IGF2BP2: variants seen among roughly 807,000 people sequenced by gnomAD.
IGF2BP2 encodes insulin like growth factor 2 mRNA binding protein 2, also known as insulin-like growth factor 2 mRNA-binding protein 2.
Under a neutral mutation model 75.8 loss-of-function variants are expected in IGF2BP2, and 17 were observed. The observed-to-expected ratio is 0.22, with a 90% CI of 0.15 to 0.34. IGF2BP2 has a LOEUF of 0.34. Among genes scored for constraint, IGF2BP2 ranks in the 10% least tolerant of loss-of-function variants. IGF2BP2 has a pLI of 1.00. For synonymous variants in IGF2BP2, 288 were observed against 295.6 expected (o/e 0.97, Z 0.26); for missense variants, 516 against 772.4 (o/e 0.67, Z 3.93).
intron 2 of IGF2BP2, among the ~76,000 whole-genome samples, chr3:185,784,558 T>C (rs1000142570): frequency 6.6e-6 from 1 of 152,228 alleles, no homozygotes; most frequent in Non-Finnish European, 1.5e-5. Context: ...TGGGTACTAC[T>C]GCATCAGCAC....
In IGF2BP2 at chr3:185,665,606, A is replaced by AG. The variant is rs1319667518; in HGVS notation, c.1200+6934dup. Among the ~76,000 whole-genome samples the AG allele has an allele frequency of 7.5e-5, 11 of 147,358 alleles. No homozygotes were observed. In the East Asian group the frequency reaches 1.7e-3, roughly 23 times the overall value. On this transcript the variant is annotated intron_variant, in intron 10 of 15. Transcript: ENST00000382199. ...AAAAGGAAGAAGAAGAAAAGGAAGA[A>AG]GAAGGAGGAGGAGGAGGAGGATATC...
intron 2 of IGF2BP2, among the ~76,000 whole-genome samples, chr3:185,784,406 G>C: frequency 6.6e-6 from 1 of 152,136 alleles, no homozygotes; most frequent in East Asian, 1.9e-4. Context: ...TGGATCTCTA[G>C]GAAGTTCCCT....
In IGF2BP2 at chr3:185,825,013, T is replaced by C. The variant is rs1741853731; in HGVS notation, c.-53A>G. ...CCCCCGGCCCGGTACCCGGCGCTCC[T>C]CGCCTCCTCCGCTGCCCTCGTCTCT... On this transcript the variant is annotated 5_prime_UTR_variant, in exon 1 of 16. Transcript: ENST00000382199. The C allele has an allele frequency of 2.9e-6, 4 of 1,384,466 alleles. No individual in the cohort carries two copies. Among genetic ancestry groups the C allele is most frequent in the South Asian group, 3.1e-5 (2 of 64,384 alleles). The allele number at this position is 1,384,466 out of a possible 1,614,324, so 85.8% of individuals were successfully genotyped here.
chr3:185,661,734 T>C (rs1232089792), intron 10 of IGF2BP2, among the ~76,000 whole-genome samples: 2 of 150,666 alleles, frequency 1.3e-5, no homozygotes, highest in African/African-American at 2.5e-5. Context: ...AAGACAGTAA[T>C]GGTCACTGTC....
chr3:185,670,706 A>G (rs886470185), intron 10 of IGF2BP2, among the ~76,000 whole-genome samples: 1 of 152,090 alleles, frequency 6.6e-6, no homozygotes, highest in Non-Finnish European at 1.5e-5. Context: ...AGTAGCTGGG[A>G]TTACAGGCGT....
At chr3:185,752,189 T>C (rs1373071802) in intron 2 of IGF2BP2, among the ~76,000 whole-genome samples, 6 of 152,132 alleles carry the variant, frequency 3.9e-5, no homozygotes, top group East Asian at 1.9e-4. Context: ...CTTTCCTCTC[T>C]CGCACATGTT....
intron 2 of IGF2BP2, among the ~76,000 whole-genome samples, chr3:185,807,839 C>A (rs1019155543): frequency 1.3e-5 from 2 of 152,210 alleles, no homozygotes; most frequent in African/African-American, 4.8e-5. Context: ...TAGTAGCCAA[C>A]CTTCCAGCCC....
At chr3:185,780,704 G>A (rs573413700) in intron 2 of IGF2BP2, among the ~76,000 whole-genome samples, 12 of 152,126 alleles carry the variant, frequency 7.9e-5, no homozygotes, top group Non-Finnish European at 1.2e-4. Flanking sequence ...ACATTCCCAC[G>A]GATGATATGA....
At chr3:185,668,887 G>A (rs1283595575) in intron 10 of IGF2BP2, among the ~76,000 whole-genome samples, 1 of 152,032 alleles carries the variant, frequency 6.6e-6, no homozygotes, top group Non-Finnish European at 1.5e-5. Flanking sequence ...ATTAATCCCA[G>A]ACCTGAAGAG....
intron 2 of IGF2BP2, among the ~76,000 whole-genome samples, chr3:185,791,140 A>G (rs888110062): frequency 2.6e-5 from 4 of 152,232 alleles, no homozygotes; most frequent in African/African-American, 9.6e-5. Context: ...AAGGGTAGGC[A>G]CTGGAACTGT....
At chr3:185,760,471 T>A (rs144101776) in intron 2 of IGF2BP2, among the ~76,000 whole-genome samples, 7 of 152,372 alleles carry the variant, frequency 4.6e-5, no homozygotes, top group African/African-American at 1.7e-4. Context: ...AGCTGTGCAG[T>A]GATCCCCACT....
intron 2 of IGF2BP2, among the ~76,000 whole-genome samples, chr3:185,742,505 A>G (rs1049497888): frequency 1.2e-4 from 18 of 151,922 alleles, no homozygotes; most frequent in African/African-American, 4.1e-4. Flanking sequence ...CGAAAAAAAA[A>G]TATTAGCCAA....
chr3:185,816,846 T>A (rs549943068), intron 2 of IGF2BP2, among the ~76,000 whole-genome samples: 2 of 152,178 alleles, frequency 1.3e-5, no homozygotes, highest in Non-Finnish European at 2.9e-5. Context: ...TGTTTAAATA[T>A]CAATACATGA....
At chr3:185,755,163 G>T (rs147914795) in intron 2 of IGF2BP2, among the ~76,000 whole-genome samples, 130 of 152,300 alleles carry the variant, frequency 8.5e-4, no homozygotes, top group Non-Finnish European at 1.6e-3. Context: ...AGGAAAGAAC[G>T]GTTTAGTGGG....
At chr3:185,701,570 C>T (rs950369565) in intron 2 of IGF2BP2, among the ~76,000 whole-genome samples, 5 of 152,122 alleles carry the variant, frequency 3.3e-5, no homozygotes, top group Non-Finnish European at 5.9e-5. Flanking sequence ...AAAACTCCGC[C>T]CAATGCTGAT....
At chr3:185,685,815 A>T (rs1298416389) in intron 7 of IGF2BP2, among the ~76,000 whole-genome samples, 1 of 152,064 alleles carries the variant, frequency 6.6e-6, no homozygotes, top group African/African-American at 2.4e-5. Flanking sequence ...CTAATTTTTT[A>T]AATTTTTTGT....
At chr3:185,809,186 C>G (rs574197995) in intron 2 of IGF2BP2, among the ~76,000 whole-genome samples, 1 of 149,908 alleles carries the variant, frequency 6.7e-6, no homozygotes, top group Non-Finnish European at 1.5e-5. Flanking sequence ...ATTTGACTTT[C>G]AGGGAGAAAT....
intron 2 of IGF2BP2, among the ~76,000 whole-genome samples, chr3:185,783,840 T>C (rs1237362816): frequency 6.6e-6 from 1 of 152,218 alleles, no homozygotes; most frequent in Non-Finnish European, 1.5e-5. Flanking sequence ...ATTTTTACGT[T>C]AAAGCAAACA....
intron 7 of IGF2BP2, among the ~76,000 whole-genome samples, chr3:185,685,446 G>C (rs1720988301): frequency 6.6e-6 from 1 of 152,030 alleles, no homozygotes; most frequent in African/African-American, 2.4e-5. Context: ...GATTTCAAAA[G>C]CCCAAGTAGA....
Sources: gnomAD v4.1 joint callset for allele counts (sites outside exome capture counted in the v4.1 genomes callset) on GRCh38, gnomAD v4.1.1 for gene constraint, MANE v1.5 for transcripts, NCBI Gene and HGNC (gene_info 2026-07-23, HGNC 2026-07-21) for gene names.